Variants in KIF26B observed in about 807,000 individuals in gnomAD.
The protein encoded by KIF26B is kinesin-like protein KIF26B.
In KIF26B, 63 loss-of-function variants were observed where a neutral mutation model predicts 151.2. The observed-to-expected ratio is 0.42, with a 90% CI of 0.34 to 0.51. The LOEUF is 0.51. Among genes scored for constraint, KIF26B ranks in the 20% least tolerant of loss-of-function variants. KIF26B has a pLI of 0.07. For missense variants in KIF26B, 2,813 were observed against 2,913.6 expected (o/e 0.97, Z 0.79); for synonymous variants, 1,357 against 1,262.1 (o/e 1.08, Z -1.59).
intron 4 of KIF26B, among the ~76,000 whole-genome samples, chr1:245,480,018 C>T (rs1400787626): frequency 2.0e-5 from 3 of 151,848 alleles, no homozygotes; most frequent in African/African-American, 7.2e-5. Flanking sequence ...AATCCCAACA[C>T]TTTGGGAGGC....
chr1:245,295,470 C>A lies in KIF26B; in HGVS notation c.466-71364C>A, dbSNP rs75264658. Among the ~76,000 whole-genome samples, 1,024 of 152,256 alleles carry A rather than the reference C, an allele frequency of 6.7e-3. 11 individuals carry two copies. Among genetic ancestry groups the A allele is most frequent in the African/African-American group, 0.023 (951 of 41,554 alleles). On this transcript the variant is annotated intron_variant, in intron 2 of 14. Coordinates refer to ENST00000407071, the MANE Select transcript of KIF26B (RefSeq NM_018012.4). ...TACCCATGGGTCCGTATCATGGGTT[C>A]CTGTCCTCACATCCATATCATCAGT...
chr1:245,401,892 A>AACAC lies in KIF26B; in HGVS notation c.1000-17677_1000-17674dup, dbSNP rs1239651968. Among the ~76,000 whole-genome samples, 10 of 148,476 alleles carry AACAC rather than the reference A, an allele frequency of 6.7e-5. 2 individuals carry two copies. The South Asian group carries it at 1.0e-3, about 15-fold the overall frequency. ...CTCCAAACAAACAAACAAACAAAGA[A>AACAC]ACACACACACACAAAAACACCACCA... is the stretch of plus-strand genomic sequence containing the variant. On this transcript the variant is annotated intron_variant, in intron 3 of 14. Transcript: ENST00000407071.
intron 4 of KIF26B, among the ~76,000 whole-genome samples, chr1:245,454,448 T>C (rs1659467618): frequency 6.6e-6 from 1 of 152,176 alleles, no homozygotes; most frequent in Non-Finnish European, 1.5e-5. Context: ...CATCTTGATA[T>C]GTGAATGGGA....
At chr1:245,511,048 T>G in intron 4 of KIF26B, 1 of 712,696 alleles carries the variant, frequency 1.4e-6, no homozygotes, top group Non-Finnish European at 2.6e-6. Flanking sequence ...GAGAAGCTAT[T>G]TATTAGCAGA....
rs1029668716 is a variant in KIF26B, at chr1:245,167,691, C to A, written c.465+11008C>A. 1.3e-5 allele frequency among the ~76,000 whole-genome samples: 2 copies of A among 152,096 alleles called. No individual in the cohort carries two copies. The highest frequency in any genetic ancestry group is 4.8e-5 in the African/African-American group (2 of 41,402). On this transcript the variant is annotated intron_variant, in intron 2 of 14. Transcript: ENST00000407071. The surrounding 1 kb of genome is among the most constrained non-coding windows in gnomAD (Gnocchi z 4.2). ...AAAAAAAAAAATCACCTGCCCAGTT[C>A]AGTTGTGTAACTTTGCACAGCAGGG...
chr1:245,246,527 T>C (rs1418473996), intron 2 of KIF26B, among the ~76,000 whole-genome samples: 1 of 152,162 alleles, frequency 6.6e-6, no homozygotes, highest in Non-Finnish European at 1.5e-5. Flanking sequence ...CTGGGATCTC[T>C]GGGACCTCCC....
intron 4 of KIF26B, among the ~76,000 whole-genome samples, chr1:245,449,040 G>A (rs950233282): frequency 8.5e-5 from 13 of 152,224 alleles, no homozygotes; most frequent in Middle Eastern, 3.2e-3. Context: ...ACTTTAGCAC[G>A]TCAGTACTTG....
intron 2 of KIF26B, among the ~76,000 whole-genome samples, chr1:245,191,050 ACT>A (rs1215766748): frequency 8.8e-6 from 1 of 113,276 alleles, no homozygotes; most frequent in African/African-American, 3.5e-5. Context: ...CAAGAGCAAG[ACT>A]CTGTCTCAAA....
chr1:245,556,904 C>G (rs1662053470), intron 5 of KIF26B, among the ~76,000 whole-genome samples: 1 of 140,646 alleles, frequency 7.1e-6, no homozygotes, highest in Non-Finnish European at 1.5e-5. Context: ...TGGCTCACCA[C>G]AGTCATCCCA....
At chr1:245,307,250 C>A (rs182086926) in intron 2 of KIF26B, among the ~76,000 whole-genome samples, 1 of 152,284 alleles carries the variant, frequency 6.6e-6, no homozygotes, top group Admixed American at 6.5e-5. Flanking sequence ...GTAAACAAAA[C>A]CGTCTCATAT....
At chr1:245,176,124 C>T (rs542304541) in intron 2 of KIF26B, among the ~76,000 whole-genome samples, 5 of 152,070 alleles carry the variant, frequency 3.3e-5, no homozygotes, top group African/African-American at 7.2e-5. Context: ...CTCAGCCTCC[C>T]GAGTAGCTGG....
rs58501579 is a variant in KIF26B, at chr1:245,169,328, G to GGT, written c.465+12679_465+12680dup. Among the ~76,000 whole-genome samples, 1,018 of 134,178 alleles carry GGT rather than the reference G, an allele frequency of 7.6e-3. 9 individuals carry two copies. The highest frequency in any genetic ancestry group is 0.024 in the African/African-American group (839 of 35,042). The allele number at this position is 134,178 out of a possible 152,430, so 88.0% of individuals were successfully genotyped here. On this transcript the variant is annotated intron_variant, in intron 2 of 14. Transcript: ENST00000407071. ...TGCACTCGACTTTCTAACGGGCCAT[G>GGT]GTGTGTGTGTGTGTGTGTGTGTGTG...
chr1:245,217,437 C>T (rs4658727), intron 2 of KIF26B, among the ~76,000 whole-genome samples: 149,836 of 150,952 alleles, frequency 0.99, 74,376 homozygotes, highest in East Asian at 1. Context: ...CAATCTCGGC[C>T]CGCTGCAACC....
At chr1:245,176,145 A>C (rs1223901777) in intron 2 of KIF26B, among the ~76,000 whole-genome samples, 1 of 151,946 alleles carries the variant, frequency 6.6e-6, no homozygotes, top group Admixed American at 6.6e-5. Flanking sequence ...GATTACATGC[A>C]TGAGTCACCA....
chr1:245,395,098 G>A (rs1238302535), intron 3 of KIF26B, among the ~76,000 whole-genome samples: 1 of 135,946 alleles, frequency 7.4e-6, no homozygotes, highest in Non-Finnish European at 1.6e-5. Flanking sequence ...GCCTATGTCT[G>A]CAATATTATA....
chr1:245,561,472 C>A (rs891358591), intron 5 of KIF26B, among the ~76,000 whole-genome samples: 1 of 152,208 alleles, frequency 6.6e-6, no homozygotes, highest in Admixed American at 6.5e-5. Context: ...TGAACCACTT[C>A]TTACCTGTAA....
At chr1:245,614,267 C>T (rs567464982) in intron 9 of KIF26B, among the ~76,000 whole-genome samples, 11 of 152,176 alleles carry the variant, frequency 7.2e-5, no homozygotes, top group South Asian at 2.1e-4. Context: ...CTCCGCCTCC[C>T]GAGTTCAAGC....
chr1:245,501,327 TAATGAGG>T (rs1440996378), intron 4 of KIF26B, among the ~76,000 whole-genome samples: 9 of 152,200 alleles, frequency 5.9e-5, no homozygotes, highest in African/African-American at 2.2e-4. Flanking sequence ...CACAGAGTCG[TAATGAGG>T]GTTAAATAAG....
chr1:245,502,006 C>T (rs138974674), intron 4 of KIF26B, among the ~76,000 whole-genome samples: 1 of 152,302 alleles, frequency 6.6e-6, no homozygotes, highest in East Asian at 1.9e-4. Flanking sequence ...AGGCGGCGTG[C>T]ACTTCAGATG....
Sources: allele counts gnomAD v4.1 joint callset (sites outside exome capture counted in the v4.1 genomes callset), GRCh38; gene constraint gnomAD v4.1.1; non-coding constraint Gnocchi (gnomAD v3.1); transcripts MANE v1.5; gene names NCBI Gene and HGNC (gene_info 2026-07-23, HGNC 2026-07-21).